The following SNX18 variants were observed in gnomAD, a reference collection of about 807,000 sequenced individuals.
The protein encoded by SNX18 is sorting nexin 18.
Under a neutral mutation model 48.7 loss-of-function variants are expected in SNX18, and 35 were observed. That is an observed-to-expected ratio of 0.72 (90% confidence interval 0.55 to 0.95). The LOEUF (loss-of-function observed/expected upper bound fraction) is 0.95, where lower values mean the gene tolerates loss of function less well. Ranked by LOEUF, SNX18 falls within the 40% of genes least tolerant of loss-of-function variation. The probability of loss-of-function intolerance (pLI) is 0.00; values close to 1 mark genes in which losing one functional copy is unlikely to be tolerated. For synonymous variants in SNX18, 492 were observed against 384.7 expected (o/e 1.28, Z -3.26); for missense variants, 824 against 871.0 (o/e 0.95, Z 0.68).
the SNX18 span, among the ~76,000 whole-genome samples, chr5:54,557,988 C>A: frequency 6.6e-6 from 1 of 152,146 alleles, no homozygotes; most frequent in African/African-American, 2.4e-5. Context: ...CCTGCCTTGG[C>A]CTCCCAAAGT....
At chr5:54,550,734 G>A (rs1162825860), downstream of SNX18, among the ~76,000 whole-genome samples, 2 of 151,986 alleles carry the variant, frequency 1.3e-5, no homozygotes, top group Non-Finnish European at 2.9e-5. Context: ...ACGGGTGCCC[G>A]CCACCATGCC....
chr5:54,519,987 G>C, intron 1 of SNX18: 2 of 647,878 alleles, frequency 3.1e-6, no homozygotes, highest in Non-Finnish European at 5.3e-6. Context: ...AAATAATGGA[G>C]AAGAACGGAT....
At chr5:54,615,929 A>G in the SNX18 span, among the ~76,000 whole-genome samples, 1 of 152,224 alleles carries the variant, frequency 6.6e-6, no homozygotes, top group African/African-American at 2.4e-5. Context: ...AAAAGAGCTT[A>G]GAGACTCTCC....
At chr5:54,571,845 G>C in the SNX18 span, among the ~76,000 whole-genome samples, 1 of 152,138 alleles carries the variant, frequency 6.6e-6, no homozygotes, top group African/African-American at 2.4e-5. Flanking sequence ...AAGGTGCAGG[G>C]GTTTCGGGGG....
chr5:54,637,986 G>GGAGAGA, the SNX18 span, among the ~76,000 whole-genome samples: 552 of 149,350 alleles, frequency 3.7e-3, 1 homozygote, highest in South Asian at 5.6e-3. Flanking sequence ...CTGCTGGACT[G>GGAGAGA]GAGAGAGAGA....
the SNX18 span, among the ~76,000 whole-genome samples, chr5:54,606,739 A>G: frequency 6.6e-6 from 1 of 152,224 alleles, no homozygotes; most frequent in Admixed American, 6.5e-5. Flanking sequence ...TTTACAAAAC[A>G]TTAGTATAAT....
rs965887585 is a variant in SNX18 at position 54,517,889 on chromosome 5, C to T, written c.-64C>T. On this transcript the variant is annotated 5_prime_UTR_variant, in exon 1 of 2. Coordinates refer to ENST00000381410, the MANE Select transcript of SNX18 (RefSeq NM_001102575.2). Reference sequence around the variant, plus strand: ...GCCAGGGCTCGAGCAGTACCGCGGGCCCCTCAGGTGGGCCTCGGCTCGGGA... The same window carrying T: ...GCCAGGGCTCGAGCAGTACCGCGGGTCCCTCAGGTGGGCCTCGGCTCGGGA... 7.0e-7 allele frequency: 1 copy of T among 1,426,634 alleles called. No individual in the cohort carries two copies. The highest frequency in any genetic ancestry group is 9.1e-7 in the Non-Finnish European group (1 of 1,098,426). 88.4% of individuals were successfully genotyped at this position (1,426,634 alleles called of 1,614,324 possible).
intron 1 of SNX18, among the ~76,000 whole-genome samples, chr5:54,529,210 A>G (rs1762205103): frequency 6.6e-6 from 1 of 152,100 alleles, no homozygotes; most frequent in Admixed American, 6.5e-5. Flanking sequence ...AGGAGAACAC[A>G]GAAGGGGCTG....
the SNX18 span, among the ~76,000 whole-genome samples, chr5:54,594,183 T>C: frequency 3.9e-5 from 6 of 152,236 alleles, no homozygotes; most frequent in Non-Finnish European, 5.9e-5. Context: ...GATTACAGGC[T>C]ATATTATTTC....
At chr5:54,542,504 C>T (rs762965178) in intron 1 of SNX18, among the ~76,000 whole-genome samples, 1 of 152,230 alleles carries the variant, frequency 6.6e-6, no homozygotes, top group Non-Finnish European at 1.5e-5. Flanking sequence ...TCGCAATTCA[C>T]CCCTTCACCA....
At chr5:54,536,540 C>T (rs977552871) in intron 1 of SNX18, among the ~76,000 whole-genome samples, 1 of 152,128 alleles carries the variant, frequency 6.6e-6, no homozygotes, top group African/African-American at 2.4e-5. Flanking sequence ...TCATCCATGT[C>T]CCTACAAAGG....
At chr5:54,565,820 A>G in the SNX18 span, among the ~76,000 whole-genome samples, 90 of 152,322 alleles carry the variant, frequency 5.9e-4, no homozygotes, top group Non-Finnish European at 1.8e-4. Context: ...TCAACTTTAT[A>G]CAATTCAACT....
At chr5:54,567,381 T>C in the SNX18 span, among the ~76,000 whole-genome samples, 1 of 151,988 alleles carries the variant, frequency 6.6e-6, no homozygotes, top group Admixed American at 6.6e-5. Flanking sequence ...CTATGCAAGC[T>C]GTATCCACAG....
At chr5:54,546,858 C>T (rs762716515), downstream of SNX18, among the ~76,000 whole-genome samples, 7 of 152,158 alleles carry the variant, frequency 4.6e-5, no homozygotes, top group Non-Finnish European at 8.8e-5. Context: ...ATAATAGCTC[C>T]CATGAGTCCA....
chr5:54,599,800 T>C, the SNX18 span, among the ~76,000 whole-genome samples: 1 of 152,226 alleles, frequency 6.6e-6, no homozygotes, highest in Non-Finnish European at 1.5e-5. Context: ...AAATTGAAAC[T>C]GGACCACTTC....
intron 1 of SNX18, among the ~76,000 whole-genome samples, chr5:54,531,005 G>A (rs908972602): frequency 1.3e-5 from 2 of 151,720 alleles, no homozygotes; most frequent in African/African-American, 4.8e-5. Flanking sequence ...TACCCGTCTC[G>A]GCCTCCCAAA....
At chr5:54,619,022 G>C in the SNX18 span, among the ~76,000 whole-genome samples, 1 of 152,142 alleles carries the variant, frequency 6.6e-6, no homozygotes. Flanking sequence ...CCATGGTGTA[G>C]GTAGTAATAT....
chr5:54,534,473 C>T (rs1168451890), intron 1 of SNX18, among the ~76,000 whole-genome samples: 5 of 151,922 alleles, frequency 3.3e-5, no homozygotes, highest in South Asian at 2.1e-4. Flanking sequence ...AGAGGGAAAA[C>T]GGTAAGGAGG....
the SNX18 span, among the ~76,000 whole-genome samples, chr5:54,611,079 C>T: frequency 5.9e-5 from 9 of 152,306 alleles, no homozygotes; most frequent in South Asian, 1.9e-3. Flanking sequence ...TTTTAAAAAT[C>T]TCCTCCTTAT....
Sources: allele counts gnomAD v4.1 joint callset (sites outside exome capture counted in the v4.1 genomes callset), GRCh38; gene constraint gnomAD v4.1.1; transcripts MANE v1.5; gene names NCBI Gene and HGNC (gene_info 2026-07-23, HGNC 2026-07-21).